NPSR1: variants seen among roughly 807,000 people sequenced by gnomAD.
NPSR1 encodes neuropeptide S receptor.
NPSR1 carries 48 observed loss-of-function variants against 46.9 expected under a neutral mutation model. The observed-to-expected ratio is 1.02, with a 90% CI of 0.81 to 1.30. NPSR1 has a LOEUF of 1.30. Among genes scored for constraint, NPSR1 ranks in the 50% most tolerant of loss-of-function variants. NPSR1 has a pLI of 0.00. For synonymous variants in NPSR1, 176 were observed against 168.1 expected (o/e 1.05, Z -0.36); for missense variants, 450 against 449.5 (o/e 1.00, Z -0.01).
intron 6 of NPSR1, among the ~76,000 whole-genome samples, chr7:34,844,436 GT>G (rs1213358904): frequency 6.6e-6 from 1 of 151,580 alleles, no homozygotes; most frequent in African/African-American, 2.4e-5. Flanking sequence ...TCTTGAGAGC[GT>G]TTTTTTGTTT....
chr7:34,780,114 G>A (rs1787165909), intron 3 of NPSR1, among the ~76,000 whole-genome samples: 5 of 152,120 alleles, frequency 3.3e-5, no homozygotes, highest in Non-Finnish European at 7.3e-5. Flanking sequence ...GACTGAGGTG[G>A]AAGTGGCAAC....
chr7:34,783,711 T>C (rs1787335265), intron 3 of NPSR1, among the ~76,000 whole-genome samples: 1 of 151,930 alleles, frequency 6.6e-6, no homozygotes, highest in African/African-American at 2.4e-5. Context: ...CCAAGACATA[T>C]TATAATCAAA....
chr7:34,784,106 A>G (rs1787353941), intron 3 of NPSR1, among the ~76,000 whole-genome samples: 1 of 152,206 alleles, frequency 6.6e-6, no homozygotes, highest in South Asian at 2.1e-4. Flanking sequence ...GGTTTTCTAG[A>G]TATACAATCA....
At chr7:34,863,654 T>C (rs1791240598) in intron 8 of NPSR1, among the ~76,000 whole-genome samples, 1 of 151,764 alleles carries the variant, frequency 6.6e-6, no homozygotes, top group South Asian at 2.1e-4. Flanking sequence ...ATTAGAGAAA[T>C]GCAAATCAAA....
At position 34,821,177 on chromosome 7, in the gene NPSR1, C is replaced by T. The variant is rs554159596; in HGVS notation, c.479-6224C>T. On this transcript the variant is annotated intron_variant, in intron 4 of 8. Coordinates refer to ENST00000360581, the MANE Select transcript of NPSR1 (RefSeq NM_207172.2). The stretch of plus-strand genomic sequence containing the variant: ...TTAGACAGAGTCTCACTCTGTCGCC[C>T]GGGCTAGAGCGCAGTGGCGCGATCT... 1.4e-4 allele frequency among the ~76,000 whole-genome samples: 21 copies of T among 146,978 alleles called. No homozygotes were observed. The East Asian group carries it at 3.6e-3, about 25-fold the overall frequency.
intron 2 of NPSR1, among the ~76,000 whole-genome samples, chr7:34,708,108 G>T (rs1675905869): frequency 6.6e-6 from 1 of 151,926 alleles, no homozygotes; most frequent in African/African-American, 2.4e-5. Context: ...CTCTAAGCAT[G>T]TCACATTGTG....
intron 8 of NPSR1, among the ~76,000 whole-genome samples, chr7:34,875,763 C>A (rs1163704859): frequency 6.6e-6 from 1 of 152,052 alleles, no homozygotes; most frequent in African/African-American, 2.4e-5. Context: ...AATGACATAC[C>A]CAATTCTATT....
chr7:34,785,315 G>C (rs1168046677), intron 3 of NPSR1, among the ~76,000 whole-genome samples: 1 of 144,534 alleles, frequency 6.9e-6, no homozygotes, highest in Non-Finnish European at 1.5e-5. Context: ...ATCACACTTA[G>C]ATGGGAACTG....
At chr7:34,872,111 T>G (rs1246856224) in intron 8 of NPSR1, among the ~76,000 whole-genome samples, 1 of 151,936 alleles carries the variant, frequency 6.6e-6, no homozygotes, top group Non-Finnish European at 1.5e-5. Context: ...TCATCTGAAA[T>G]CTAGGTGGAA....
At chr7:34,678,528 A>G (rs1792444097) in intron 1 of NPSR1, among the ~76,000 whole-genome samples, 2 of 152,142 alleles carry the variant, frequency 1.3e-5, no homozygotes, top group Admixed American at 1.3e-4. Flanking sequence ...ACATTGCATT[A>G]AGAAAAGGGA....
At chr7:34,786,875 T>C (rs921418714) in intron 3 of NPSR1, among the ~76,000 whole-genome samples, 3 of 152,128 alleles carry the variant, frequency 2.0e-5, no homozygotes, top group African/African-American at 7.2e-5. Flanking sequence ...TGTGCTGCCC[T>C]TTAGGCTTTG....
intron 1 of NPSR1, among the ~76,000 whole-genome samples, chr7:34,680,280 C>T (rs1792560233): frequency 6.6e-6 from 1 of 152,034 alleles, no homozygotes; most frequent in African/African-American, 2.4e-5. Context: ...ATTAGTGAAA[C>T]AATTTATATC....
chr7:34,819,420 G>T (rs1192913164), intron 4 of NPSR1, among the ~76,000 whole-genome samples: 1 of 152,210 alleles, frequency 6.6e-6, no homozygotes, highest in African/African-American at 2.4e-5. Context: ...GAAACAACAG[G>T]TGCTGGAGAG....
intron 3 of NPSR1, among the ~76,000 whole-genome samples, chr7:34,785,094 T>C (rs1419626854): frequency 5.3e-5 from 8 of 151,808 alleles, no homozygotes; most frequent in South Asian, 4.2e-4. Flanking sequence ...ATGTTTATTG[T>C]GGCACTATTC....
At chr7:34,767,281 A>G (rs987348857) in intron 2 of NPSR1, among the ~76,000 whole-genome samples, 1 of 152,228 alleles carries the variant, frequency 6.6e-6, no homozygotes, top group African/African-American at 2.4e-5. Flanking sequence ...CAACTTTAAT[A>G]TGGGTCTTAA....
At chr7:34,842,810 C>T (rs1790617961) in intron 6 of NPSR1, among the ~76,000 whole-genome samples, 1 of 152,370 alleles carries the variant, frequency 6.6e-6, no homozygotes, top group East Asian at 1.9e-4. Context: ...ACTTCAATGG[C>T]CTGCGGCCGC....
intron 4 of NPSR1, among the ~76,000 whole-genome samples, chr7:34,819,379 C>T (rs1349713662): frequency 6.6e-6 from 1 of 152,152 alleles, no homozygotes; most frequent in Non-Finnish European, 1.5e-5. Context: ...CCATCTCATG[C>T]CAGTTAGAAT....
chr7:34,826,886 CCA>C (rs1789876941), intron 4 of NPSR1, among the ~76,000 whole-genome samples: 1 of 59,810 alleles, frequency 1.7e-5, no homozygotes, highest in East Asian at 7.0e-4. Flanking sequence ...CATGTTCCTA[CCA>C]AAAAAAAAAA....
chr7:34,717,741 G>A (rs1315231817), intron 2 of NPSR1, among the ~76,000 whole-genome samples: 1 of 152,192 alleles, frequency 6.6e-6, no homozygotes, highest in Non-Finnish European at 1.5e-5. Context: ...AATGTATAAT[G>A]GTCATTTGAG....
Sources: allele counts gnomAD v4.1 joint callset (sites outside exome capture counted in the v4.1 genomes callset), GRCh38; gene constraint gnomAD v4.1.1; transcripts MANE v1.5; gene names NCBI Gene and HGNC (gene_info 2026-07-23, HGNC 2026-07-21).